CDKN2B-AS1: variants seen among roughly 807,000 people sequenced by gnomAD.
CDKN2B-AS1 encodes CDKN2B antisense RNA 1 (non-protein coding).
At chr9:22,096,001 G>A (rs1366585395) in intron 4 of CDKN2B-AS1, among the ~76,000 whole-genome samples, 1 of 151,982 alleles carries the variant, frequency 6.6e-6, no homozygotes, top group Admixed American at 6.6e-5. Context: ...GTGATGGGAG[G>A]TACTGGTATT....
At chr9:22,004,708 T>C (rs1433964368) in intron 1 of CDKN2B-AS1, 3 of 232,804 alleles carry the variant, frequency 1.3e-5, no homozygotes, top group African/African-American at 6.6e-5. Context: ...CGAGCCATCA[T>C]ATATTTTCAA....
chr9:22,090,778 G>C lies in CDKN2B-AS1; in HGVS notation n.438+34391G>C, dbSNP rs199728038. On this transcript the variant is annotated intron_variant and non_coding_transcript_variant, in intron 4 of 4. Transcript: ENST00000650946. ...ATATTTTCTCCCATTCTGTAGGTTG[G>C]CTGTTCACTCTGATGGTAGTTTCTT... Among the ~76,000 whole-genome samples, 348 of 152,096 alleles carry C rather than the reference G, an allele frequency of 2.3e-3. 1 individual carries two copies. The highest frequency in any genetic ancestry group is 7.8e-3 in the African/African-American group (325 of 41,484).
rs201419871 is a variant in CDKN2B-AS1, at chr9:22,101,693, CACACACACAT to C, written n.439-25409_439-25400del. ...ACACACACACACACACACACACACA[CACACACACAT>C]GGCTTCTAGATTCTACATGTACAAG... On this transcript the variant is annotated intron_variant and non_coding_transcript_variant, in intron 4 of 4. Coordinates refer to ENST00000650946, the Ensembl canonical transcript of CDKN2B-AS1. Among the ~76,000 whole-genome samples the C allele has an allele frequency of 1.5e-3, 203 of 132,104 alleles. 2 individuals carry two copies. The highest frequency in any genetic ancestry group is 9.6e-3 in the South Asian group (35 of 3,640). 86.7% of individuals were successfully genotyped at this position (132,104 alleles called of 152,430 possible).
chr9:22,095,913 G>C (rs866084812), intron 4 of CDKN2B-AS1, among the ~76,000 whole-genome samples: 1 of 151,492 alleles, frequency 6.6e-6, no homozygotes, highest in Non-Finnish European at 1.5e-5. Flanking sequence ...TGCAACCCCT[G>C]CCTTTTTTTG....
chr9:22,115,031 G>A (rs1243213847), intron 4 of CDKN2B-AS1, among the ~76,000 whole-genome samples: 2 of 152,006 alleles, frequency 1.3e-5, no homozygotes, highest in East Asian at 3.9e-4. Context: ...TGTAGTATTT[G>A]CAAGATGGCC....
At chr9:22,100,690 T>C (rs1442637665) in intron 4 of CDKN2B-AS1, among the ~76,000 whole-genome samples, 1 of 152,300 alleles carries the variant, frequency 6.6e-6, no homozygotes, top group East Asian at 1.9e-4. Flanking sequence ...AGAAGTAGGA[T>C]GTTGTATGGA....
intron 1 of CDKN2B-AS1, among the ~76,000 whole-genome samples, chr9:22,024,889 C>G (rs1266219345): frequency 7.9e-5 from 12 of 152,024 alleles, no homozygotes; most frequent in Admixed American, 7.9e-4. Context: ...TTCTGTGGGC[C>G]ACCACAGCAC....
In CDKN2B-AS1 at chr9:22,006,093, G is replaced by A. The variant is rs2131180860; in HGVS notation, n.29+10932G>A. ...CCAGGCATCGCGCACGTCCAGCCGC[G>A]CCCCGGCCCGGTGCAGCACCACCAG... On this transcript the variant is annotated intron_variant and non_coding_transcript_variant, in intron 1 of 4. Coordinates refer to ENST00000650946, the Ensembl canonical transcript of CDKN2B-AS1. The surrounding 1 kb of genome is among the most constrained non-coding windows in gnomAD (Gnocchi z 6.4). 1 of 1,608,374 alleles carries A rather than the reference G, an allele frequency of 6.2e-7. No homozygotes were observed. The highest frequency in any genetic ancestry group is 1.1e-5 in the South Asian group (1 of 91,030).
chr9:22,009,281 C>G (rs1029170453), intron 1 of CDKN2B-AS1: 1 of 490,444 alleles, frequency 2.0e-6, no homozygotes, highest in Non-Finnish European at 3.6e-6. Flanking sequence ...GGAGTCCTCA[C>G]TGCCCCGCCT....
At chr9:22,127,105 G>A (rs1242650717) in exon 5 of CDKN2B-AS1, among the ~76,000 whole-genome samples, 1 of 152,006 alleles carries the variant, frequency 6.6e-6, no homozygotes, top group East Asian at 1.9e-4. Context: ...TTTTTTAGAT[G>A]TAGTGTCACT....
chr9:22,015,278 C>G (rs921216107), intron 1 of CDKN2B-AS1, among the ~76,000 whole-genome samples: 1 of 152,116 alleles, frequency 6.6e-6, no homozygotes, highest in Non-Finnish European at 1.5e-5. Flanking sequence ...CCTGTTTTTT[C>G]CTGACTTTTT....
chr9:22,014,435 G>C (rs968302595), intron 1 of CDKN2B-AS1, among the ~76,000 whole-genome samples: 3 of 152,072 alleles, frequency 2.0e-5, no homozygotes, highest in African/African-American at 7.2e-5. Context: ...AAAGTGTTGG[G>C]ATTACAGACA....
chr9:22,024,973 C>G (rs1015311076), intron 1 of CDKN2B-AS1, among the ~76,000 whole-genome samples: 1 of 152,204 alleles, frequency 6.6e-6, no homozygotes, highest in Non-Finnish European at 1.5e-5. Context: ...ATGTACAAGA[C>G]CACTCTGCAG....
intron 4 of CDKN2B-AS1, among the ~76,000 whole-genome samples, chr9:22,057,411 A>T (rs1044418449): frequency 1.3e-5 from 2 of 152,252 alleles, no homozygotes; most frequent in Non-Finnish European, 2.9e-5. Context: ...ATCAAAATTA[A>T]TTAAATATTT....
intron 4 of CDKN2B-AS1, chr9:22,120,158 G>T (rs1476753377): frequency 6.6e-6 from 1 of 152,192 alleles, no homozygotes; most frequent in Admixed American, 6.5e-5. Flanking sequence ...TCATAAATAT[G>T]ATTGCCTTCA....
At chr9:22,011,836 T>A (rs1024123741) in intron 1 of CDKN2B-AS1, among the ~76,000 whole-genome samples, 3 of 152,222 alleles carry the variant, frequency 2.0e-5, no homozygotes, top group Non-Finnish European at 4.4e-5. Context: ...TTAAACACAT[T>A]TAAAAGATGA....
chr9:22,084,978 G>A (rs1043012142), intron 4 of CDKN2B-AS1, among the ~76,000 whole-genome samples: 21 of 152,056 alleles, frequency 1.4e-4, no homozygotes, highest in African/African-American at 5.1e-4. Context: ...ACACCCAGAC[G>A]ACAACTCAGG....
At chr9:22,004,977 C>A in intron 1 of CDKN2B-AS1, 1 of 233,328 alleles carries the variant, frequency 4.3e-6, no homozygotes. Flanking sequence ...TTCTTCCTCA[C>A]ATTTTAACTG....
At chr9:22,102,972 T>G (rs1825534968) in intron 4 of CDKN2B-AS1, among the ~76,000 whole-genome samples, 2 of 152,184 alleles carry the variant, frequency 1.3e-5, no homozygotes, top group Non-Finnish European at 2.9e-5. Flanking sequence ...CTTGCTCTCA[T>G]CTGAGGCTTC....
Sources: allele counts gnomAD v4.1 joint callset (sites outside exome capture counted in the v4.1 genomes callset), GRCh38; gene constraint gnomAD v4.1.1; non-coding constraint Gnocchi (gnomAD v3.1); transcripts MANE v1.5; gene names NCBI Gene and HGNC (gene_info 2026-07-23, HGNC 2026-07-21).